Variants in ME3 observed in about 807,000 individuals in gnomAD.
The protein encoded by ME3 is malic enzyme 3.
In ME3, 48 loss-of-function variants were observed where a neutral mutation model predicts 68.9. That is an observed-to-expected ratio of 0.70 (90% CI 0.55 to 0.89). The LOEUF (loss-of-function observed/expected upper bound fraction) is 0.89. Among genes scored for constraint, ME3 ranks in the 40% least tolerant of loss-of-function variants. The probability of loss-of-function intolerance (pLI) is 0.00; values close to 1 mark genes in which losing one functional copy is unlikely to be tolerated. For synonymous variants in ME3, 320 were observed against 318.8 expected (o/e 1.00, Z -0.04); for missense variants, 675 against 797.4 (o/e 0.85, Z 1.85).
At chr11:86,637,967 T>TATAC (rs371232287) in intron 2 of ME3, among the ~76,000 whole-genome samples, 5 of 145,054 alleles carry the variant, frequency 3.4e-5, no homozygotes, top group African/African-American at 1.3e-4. Context: ...TGCTCATGCA[T>TATAC]ACACACACAC....
chr11:86,466,947 A>G (rs910944035), intron 7 of ME3, among the ~76,000 whole-genome samples: 7 of 152,242 alleles, frequency 4.6e-5, no homozygotes, highest in Non-Finnish European at 7.3e-5. Context: ...ATCAGTGGGC[A>G]CAATAATATC....
At chr11:86,635,971 G>T (rs532472280) in intron 2 of ME3, among the ~76,000 whole-genome samples, 5 of 152,192 alleles carry the variant, frequency 3.3e-5, no homozygotes, top group Admixed American at 2.0e-4. Flanking sequence ...TTCTTCTGGG[G>T]CTGCTTTGTT....
rs191610071 is a variant in ME3, at chr11:86,644,342, T to G, written c.183+27420A>C. On this transcript the variant is annotated intron_variant, in intron 2 of 14. Transcript: ENST00000543262. ...CTCCATACAGCAGCCAGAGAGATCT[T>G]TGACTAATGTAAGTCAAAAGCACTT... Among the ~76,000 whole-genome samples the G allele has an allele frequency of 2.0e-3, 305 of 152,306 alleles. 1 individual carries two copies. The highest frequency in any genetic ancestry group is 3.9e-3 in the Admixed American group (60 of 15,294).
intron 2 of ME3, among the ~76,000 whole-genome samples, chr11:86,560,383 C>A (rs1442380929): frequency 6.6e-6 from 1 of 152,106 alleles, no homozygotes; most frequent in African/African-American, 2.4e-5. Flanking sequence ...TTCCTGAGGC[C>A]TCCCCAGACA....
intron 8 of ME3, among the ~76,000 whole-genome samples, chr11:86,455,786 G>A (rs1200840778): frequency 6.6e-6 from 1 of 152,162 alleles, no homozygotes. Flanking sequence ...TAACCTGAAT[G>A]AAGCTGGACT....
chr11:86,601,364 A>T (rs1960624171), intron 2 of ME3, among the ~76,000 whole-genome samples: 1 of 152,252 alleles, frequency 6.6e-6, no homozygotes, highest in African/African-American at 2.4e-5. Context: ...AGAAATGGAT[A>T]AATTCCTGGA....
intron 14 of ME3, 29 bp downstream of exon 14, chr11:86,442,792 C>T (rs745899215): frequency 1.3e-6 from 2 of 1,554,368 alleles, no homozygotes; most frequent in Non-Finnish European, 1.8e-6. Context: ...GCCTCACTAC[C>T]CATATTACAG....
Position 86,633,615 on chromosome 11 carries a change from G to A in ME3, c.183+38147C>T, listed in dbSNP as rs375225055. On this transcript the variant is annotated intron_variant, in intron 2 of 14. Transcript: ENST00000543262. ...GTATGAGAAGGGTGGTTGTGAGGGA[G>A]AGGAAGGTACTCTCATGGGTGTCTT... Among the ~76,000 whole-genome samples, 6 of 152,340 alleles carry A rather than the reference G, an allele frequency of 3.9e-5. No homozygotes were observed. In the South Asian group the frequency reaches 8.3e-4, roughly 21 times the overall value.
At chr11:86,538,094 C>G (rs1276340308) in intron 4 of ME3, among the ~76,000 whole-genome samples, 1 of 152,194 alleles carries the variant, frequency 6.6e-6, no homozygotes, top group African/African-American at 2.4e-5. Context: ...TAGACTCCTG[C>G]AGATACCTGT....
chr11:86,543,818 A>G (rs1297679724), intron 4 of ME3, among the ~76,000 whole-genome samples: 3 of 152,222 alleles, frequency 2.0e-5, no homozygotes, highest in Admixed American at 2.0e-4. Context: ...ATAGACATCT[A>G]CAGAACTCTC....
chr11:86,650,486 C>T (rs1004947243), intron 2 of ME3, among the ~76,000 whole-genome samples: 7 of 152,168 alleles, frequency 4.6e-5, no homozygotes, highest in African/African-American at 1.7e-4. Context: ...AGAGCTTCTG[C>T]ACAGCAAAAG....
chr11:86,496,444 A>T (rs774823690), intron 6 of ME3, among the ~76,000 whole-genome samples: 11 of 151,944 alleles, frequency 7.2e-5, no homozygotes, highest in Non-Finnish European at 1.0e-4. Context: ...AGAAATGGGG[A>T]TGCATTGTGT....
At chr11:86,644,785 G>T (rs911046606) in intron 2 of ME3, among the ~76,000 whole-genome samples, 1 of 152,180 alleles carries the variant, frequency 6.6e-6, no homozygotes, top group Non-Finnish European at 1.5e-5. Context: ...GGTCAAATAG[G>T]AGCAGCTCCG....
At chr11:86,506,118 C>T (rs927634687) in intron 5 of ME3, among the ~76,000 whole-genome samples, 1 of 152,190 alleles carries the variant, frequency 6.6e-6, no homozygotes, top group East Asian at 1.9e-4. Flanking sequence ...TTGAATGCAA[C>T]TGAATTCACT....
chr11:86,626,596 C>G (rs1378257547), intron 2 of ME3, among the ~76,000 whole-genome samples: 1 of 152,212 alleles, frequency 6.6e-6, no homozygotes, highest in Non-Finnish European at 1.5e-5. Context: ...CCTAGAGTTG[C>G]TACCCCTGTG....
intron 8 of ME3, among the ~76,000 whole-genome samples, chr11:86,462,071 A>G (rs915920711): frequency 2.0e-5 from 3 of 152,210 alleles, no homozygotes; most frequent in African/African-American, 2.4e-5. Flanking sequence ...AAACAGCTCC[A>G]TGTGTCTGCA....
intron 4 of ME3, among the ~76,000 whole-genome samples, chr11:86,547,605 A>G (rs1459019963): frequency 6.6e-6 from 1 of 152,182 alleles, no homozygotes; most frequent in East Asian, 1.9e-4. Flanking sequence ...CGTTCTGCAC[A>G]TGTATCCCAG....
At chr11:86,450,726 T>C (rs983281965) in intron 8 of ME3, among the ~76,000 whole-genome samples, 1 of 152,116 alleles carries the variant, frequency 6.6e-6, no homozygotes, top group Non-Finnish European at 1.5e-5. Flanking sequence ...ATGAGCCTCA[T>C]AGAATTATAT....
At chr11:86,593,744 T>C (rs1009220286) in intron 2 of ME3, among the ~76,000 whole-genome samples, 1 of 146,732 alleles carries the variant, frequency 6.8e-6, no homozygotes, top group Admixed American at 7.3e-5. Flanking sequence ...GATCATACTA[T>C]GTATAAAATT....
Sources: gnomAD v4.1 joint callset for allele counts (sites outside exome capture counted in the v4.1 genomes callset) on GRCh38, gnomAD v4.1.1 for gene constraint, MANE v1.5 for transcripts, NCBI Gene and HGNC (gene_info 2026-07-23, HGNC 2026-07-21) for gene names.